The following NRXN3 variants were observed in gnomAD, a reference collection of about 807,000 sequenced individuals.
NRXN3 encodes the protein neurexin 3, also known as neurexin III.
A neutral mutation model predicts 137.6 loss-of-function variants in NRXN3; 32 were observed. That is an observed-to-expected ratio of 0.23 (90% CI 0.18 to 0.31). The LOEUF (loss-of-function observed/expected upper bound fraction) is 0.31. Among genes scored for constraint, NRXN3 ranks in the 10% least tolerant of loss-of-function variants. The pLI, the probability that NRXN3 is intolerant of heterozygous loss-of-function variation, is 1.00. For missense variants in NRXN3, 1,574 were observed against 2,062.5 expected (o/e 0.76, Z 4.59); for synonymous variants, 798 against 784.5 (o/e 1.02, Z -0.29).
chr14:78,262,611 G>A (rs1312947442), intron 2 of NRXN3, among the ~76,000 whole-genome samples: 1 of 152,006 alleles, frequency 6.6e-6, no homozygotes, highest in Admixed American at 6.5e-5. Context: ...CCTCCTTAAT[G>A]TCTCAGTCCT....
At chr14:79,692,057 A>G in intron 17 of NRXN3, 116 bp from the exon 18 acceptor site, 2 of 708,940 alleles carry the variant, frequency 2.8e-6, no homozygotes, top group Non-Finnish European at 4.5e-6. Context: ...TCTACTAAAG[A>G]TAAATTGATA....
intron 14 of NRXN3, among the ~76,000 whole-genome samples, chr14:78,984,801 A>G (rs1035622222): frequency 6.6e-6 from 1 of 152,214 alleles, no homozygotes; most frequent in Non-Finnish European, 1.5e-5. Flanking sequence ...GTTAGGAACT[A>G]AAAACAGGAG....
chr14:78,177,307 G>T (rs1036380505), intron 1 of NRXN3, among the ~76,000 whole-genome samples: 1 of 152,128 alleles, frequency 6.6e-6, no homozygotes, highest in Admixed American at 6.5e-5. Context: ...CAGTGTCTCT[G>T]TTCCACTCTA....
chr14:78,746,619 A>C, intron 8 of NRXN3, among the ~76,000 whole-genome samples: 1 of 152,182 alleles, frequency 6.6e-6, no homozygotes, highest in East Asian at 1.9e-4. Flanking sequence ...TCTAATGAGA[A>C]CTGGGGAAGT....
At chr14:79,228,246 T>C (rs1470533676) in intron 15 of NRXN3, among the ~76,000 whole-genome samples, 1 of 152,094 alleles carries the variant, frequency 6.6e-6, no homozygotes, top group African/African-American at 2.4e-5. Flanking sequence ...CACTCTATTG[T>C]AGAAGTCTCC....
intron 5 of NRXN3, among the ~76,000 whole-genome samples, chr14:78,648,845 C>T (rs892586990): frequency 3.0e-4 from 45 of 151,960 alleles, no homozygotes; most frequent in African/African-American, 1.1e-3. Flanking sequence ...GGGGTCTTTC[C>T]TTTTGGAAGA....
chr14:79,009,758 A>C (rs1413182367), intron 15 of NRXN3, among the ~76,000 whole-genome samples: 1 of 152,104 alleles, frequency 6.6e-6, no homozygotes, highest in African/African-American at 2.4e-5. Context: ...TCTGTTGCCC[A>C]TTTTCTCCTC....
chr14:78,468,386 C>T (rs1194010713), intron 4 of NRXN3, among the ~76,000 whole-genome samples: 3 of 152,140 alleles, frequency 2.0e-5, no homozygotes, highest in South Asian at 4.1e-4. Flanking sequence ...GGCTGAGCTT[C>T]CTCACATCTT....
At chr14:79,096,576 C>T (rs1044656079) in intron 15 of NRXN3, among the ~76,000 whole-genome samples, 7 of 149,086 alleles carry the variant, frequency 4.7e-5, no homozygotes, top group Admixed American at 2.0e-4. Flanking sequence ...TTATGCAGTA[C>T]TTCTTGTGAA....
chr14:79,009,524 A>T (rs1179570452), intron 15 of NRXN3, among the ~76,000 whole-genome samples: 1 of 152,128 alleles, frequency 6.6e-6, no homozygotes, highest in Non-Finnish European at 1.5e-5. Context: ...CTTTTCCTCA[A>T]GTCTATAGGG....
At chr14:78,249,835 A>AC (rs1318867744) in intron 2 of NRXN3, among the ~76,000 whole-genome samples, 1 of 151,158 alleles carries the variant, frequency 6.6e-6, no homozygotes, top group East Asian at 1.9e-4. Context: ...GGGAACTTGA[A>AC]CCCCCCGTTT....
At chr14:78,456,527 G>A (rs909183335) in intron 4 of NRXN3, among the ~76,000 whole-genome samples, 12 of 152,110 alleles carry the variant, frequency 7.9e-5, no homozygotes, top group South Asian at 2.1e-4. Context: ...TTTTTCTAGC[G>A]TACTATGCTG....
intron 15 of NRXN3, among the ~76,000 whole-genome samples, chr14:79,123,326 G>A (rs1332908596): frequency 6.6e-6 from 1 of 152,152 alleles, no homozygotes; most frequent in Non-Finnish European, 1.5e-5. Flanking sequence ...GTCAAGATGA[G>A]TTTTCCAATT....
At chr14:78,649,112 T>G (rs992160914) in intron 5 of NRXN3, among the ~76,000 whole-genome samples, 2 of 152,202 alleles carry the variant, frequency 1.3e-5, no homozygotes, top group African/African-American at 4.8e-5. Flanking sequence ...GCCTTTTTTT[T>G]GAGAAACTAA....
At chr14:78,286,056 G>A (rs1239644106) in intron 3 of NRXN3, among the ~76,000 whole-genome samples, 1 of 152,134 alleles carries the variant, frequency 6.6e-6, no homozygotes. Flanking sequence ...TTTTTCTAGA[G>A]CCGTTAGAAA....
intron 6 of NRXN3, among the ~76,000 whole-genome samples, chr14:78,697,672 C>A (rs2098240642): frequency 6.6e-6 from 1 of 151,906 alleles, no homozygotes; most frequent in Non-Finnish European, 1.5e-5. Context: ...AGGAGGGGAC[C>A]TTTTGTTGCA....
chr14:78,646,282 A>C (rs1338924055), intron 5 of NRXN3, among the ~76,000 whole-genome samples: 1 of 152,218 alleles, frequency 6.6e-6, no homozygotes, highest in African/African-American at 2.4e-5. Context: ...TCATCAGCTC[A>C]CATCAGTAAA....
At chr14:78,250,140 G>A (rs367876629) in intron 2 of NRXN3, 14 of 512,338 alleles carry the variant, frequency 2.7e-5, no homozygotes, top group African/African-American at 2.7e-4. Context: ...GCCCAAGATT[G>A]TGCAGGTATT....
intron 10 of NRXN3, among the ~76,000 whole-genome samples, chr14:78,864,650 A>G (rs1486318089): frequency 6.6e-6 from 1 of 152,186 alleles, no homozygotes; most frequent in African/African-American, 2.4e-5. Context: ...CAGGAAAAAA[A>G]GCATACAAAT....
Sources: allele counts gnomAD v4.1 joint callset (sites outside exome capture counted in the v4.1 genomes callset), GRCh38; gene constraint gnomAD v4.1.1; transcripts MANE v1.5; gene names NCBI Gene and HGNC (gene_info 2026-07-23, HGNC 2026-07-21).